Variants in MIA3 observed in about 807,000 individuals in gnomAD.
The protein encoded by MIA3 is MIA SH3 domain ER export factor 3, also known as transport and Golgi organization protein 1 homolog.
In MIA3, 90 loss-of-function variants were observed where a neutral mutation model predicts 192.4. The observed-to-expected ratio is 0.47, with a 90% CI of 0.39 to 0.56. The LOEUF is 0.56. Among genes scored for constraint, MIA3 ranks in the 20% least tolerant of loss-of-function variants. The probability of loss-of-function intolerance (pLI) is 0.00; values close to 1 mark genes in which losing one functional copy is unlikely to be tolerated. For synonymous variants in MIA3, 740 were observed against 792.8 expected, an observed-to-expected ratio of 0.93 and a Z score of 1.12; for missense variants, 2,123 against 2,269.4, an observed-to-expected ratio of 0.94 and a Z score of 1.31.
chr1:222,660,326 C>G lies in MIA3; in HGVS notation c.5113+12C>G, dbSNP rs1231045708. The G allele has an allele frequency of 2.5e-6, 4 of 1,603,012 alleles. No homozygotes were observed. The highest frequency in any genetic ancestry group is 3.4e-6 in the Non-Finnish European group (4 of 1,176,384). On this transcript the variant is annotated intron_variant, in intron 24 of 27. Transcript: ENST00000344922. ...TAGAAGTGAATTTGGTGAGCATTCACATGTTTCCTTGCAATACTCTTTTGG... is the reference window on the plus strand; with the variant it reads ...TAGAAGTGAATTTGGTGAGCATTCAGATGTTTCCTTGCAATACTCTTTTGG...
intron 13 of MIA3, 101 bp downstream of exon 13, chr1:222,652,433 C>A: frequency 1.3e-6 from 1 of 773,772 alleles, no homozygotes; most frequent in Non-Finnish European, 2.2e-6. Context: ...AATATATGTG[C>A]AGGATTCTGT....
chr1:222,631,127 T>C (rs1178408432), intron 4 of MIA3, among the ~76,000 whole-genome samples: 1 of 109,722 alleles, frequency 9.1e-6, no homozygotes, highest in African/African-American at 2.9e-5. Context: ...TTTCTTTTCT[T>C]TTTTTTTTTC....
At chr1:222,662,202 C>G in intron 25 of MIA3, 51 bp from the exon 26 acceptor site, 1 of 1,593,270 alleles carries the variant, frequency 6.3e-7, no homozygotes, top group Non-Finnish European at 8.6e-7. Context: ...ATCCTCCTCA[C>G]AGAGTACACA....
At chr1:222,644,909 A>G (rs1466089609) in intron 6 of MIA3, among the ~76,000 whole-genome samples, 1 of 152,070 alleles carries the variant, frequency 6.6e-6, no homozygotes, top group Non-Finnish European at 1.5e-5. Flanking sequence ...GACCAGTGTG[A>G]TAGTGTACTT....
At chr1:222,620,144 T>C (rs1299053297) in intron 1 of MIA3, among the ~76,000 whole-genome samples, 1 of 152,242 alleles carries the variant, frequency 6.6e-6, no homozygotes, top group Admixed American at 6.5e-5. Context: ...CAAATCTATA[T>C]GCGTGTATAG....
At position 222,666,178 on chromosome 1, in the gene MIA3, A is replaced by G. The variant is rs796642721; in HGVS notation, c.*559A>G. 6.6e-6 allele frequency: 1 copy of G among 152,374 alleles called. No individual in the cohort carries two copies. Among genetic ancestry groups the G allele is most frequent in the African/African-American group, 2.4e-5 (1 of 41,580 alleles). The allele number at this position is 152,374 out of a possible 1,614,324, so 9.4% of individuals were successfully genotyped here. On this transcript the variant is annotated 3_prime_UTR_variant, in exon 28 of 28. Transcript: ENST00000344922. ...GTGTCTGTTGACTCATTGGACTGTT[A>G]TGAGGCTTGTGCCATTTGGGGAACA... is the stretch of plus-strand genomic sequence containing the variant.
At chr1:222,657,976 A>G (rs1042843485) in intron 18 of MIA3, among the ~76,000 whole-genome samples, 1 of 152,244 alleles carries the variant, frequency 6.6e-6, no homozygotes, top group Non-Finnish European at 1.5e-5. Context: ...TACAAGGGTA[A>G]CTACAAGTAG....
In MIA3 at chr1:222,666,908, G is replaced by T. The variant is rs945743815; in HGVS notation, c.*1289G>T. 1 of 151,586 alleles carries T rather than the reference G, an allele frequency of 6.6e-6. No individual in the cohort carries two copies. Among genetic ancestry groups the T allele is most frequent in the Non-Finnish European group, 1.5e-5 (1 of 67,878 alleles). The allele number at this position is 151,586 out of a possible 1,614,324, so 9.4% of individuals were successfully genotyped here. The stretch of plus-strand genomic sequence containing the variant: ...AGACATTTTAATTACAGTAATAATA[G>T]CACTCCTTTTAAGGAGTTTCAGATC... On this transcript the variant is annotated 3_prime_UTR_variant, in exon 28 of 28. Coordinates refer to ENST00000344922, the MANE Select transcript of MIA3 (RefSeq NM_198551.4).
At chr1:222,636,506 CTT>C (rs34208115) in intron 6 of MIA3, among the ~76,000 whole-genome samples, 60 of 74,032 alleles carry the variant, frequency 8.1e-4, no homozygotes, top group East Asian at 1.3e-3. Flanking sequence ...TAGTGTCCAT[CTT>C]TTTTTTTTTT....
At chr1:222,624,397 C>T (rs1662015314) in intron 2 of MIA3, among the ~76,000 whole-genome samples, 1 of 152,228 alleles carries the variant, frequency 6.6e-6, no homozygotes, top group African/African-American at 2.4e-5. Flanking sequence ...TAGCCACCTC[C>T]TCTTGCTATT....
At position 222,648,919 on chromosome 1, in the gene MIA3, T is replaced by C; in HGVS notation, c.3631+69T>C. 2.9e-6 allele frequency: 3 copies of C among 1,020,622 alleles called. No homozygotes were observed. The South Asian group carries it at 4.6e-5, about 16-fold the overall frequency. The allele number at this position is 1,020,622 out of a possible 1,614,324, so 63.2% of individuals were successfully genotyped here. ...ATTGGTGTTTGATATGGATTTTATA[T>C]ATAAGTAGTTTTAGTAACTTCTGAT... On this transcript the variant is annotated intron_variant, in intron 8 of 27. Coordinates refer to ENST00000344922, the MANE Select transcript of MIA3 (RefSeq NM_198551.4).
intron 7 of MIA3, chr1:222,647,979 A>T: frequency 2.9e-6 from 1 of 341,628 alleles, no homozygotes; most frequent in South Asian, 2.2e-5. Flanking sequence ...TACTGAGCTT[A>T]TGGATGATTT....
intron 18 of MIA3, among the ~76,000 whole-genome samples, chr1:222,655,892 T>G (rs1663691501): frequency 6.6e-6 from 1 of 152,018 alleles, no homozygotes; most frequent in Non-Finnish European, 1.5e-5. Flanking sequence ...AAAGTCACTG[T>G]GTTAATTCAG....
Position 222,648,852 on chromosome 1 carries a change from TA to T in MIA3, c.3631+5del. 3 of 1,446,170 alleles carry T rather than the reference TA, an allele frequency of 2.1e-6. No homozygotes were observed. Among genetic ancestry groups the T allele is most frequent in the Non-Finnish European group, 2.9e-6 (3 of 1,036,354 alleles). The allele number at this position is 1,446,170 out of a possible 1,614,324, so 89.6% of individuals were successfully genotyped here. On this transcript the variant is annotated splice_donor_region_variant and intron_variant, in intron 8 of 27. Transcript: ENST00000344922. ...AGGTGAAGGATAGAGTATATCAAGGTAAATCTTTAGGCTTTTTTGTTATTTG... is the reference window on the plus strand; with the variant it reads ...AGGTGAAGGATAGAGTATATCAAGGTAATCTTTAGGCTTTTTTGTTATTTG...
At chr1:222,644,508 C>T (rs906113849) in intron 6 of MIA3, 6 of 1,550,500 alleles carry the variant, frequency 3.9e-6, no homozygotes, top group Admixed American at 3.9e-5. Context: ...TGCCTTCTAT[C>T]GCCGCTACCC....
intron 19 of MIA3, 118 bp from the exon 20 acceptor site, chr1:222,659,335 T>C: frequency 1.2e-6 from 1 of 822,536 alleles, no homozygotes. Flanking sequence ...AAATATGCTT[T>C]ATATTTCTGG....
chr1:222,648,781 A>G, intron 7 of MIA3, 48 bp from the exon 8 acceptor site: 4 of 1,027,542 alleles, frequency 3.9e-6, no homozygotes, highest in Non-Finnish European at 6.1e-6. Context: ...ATATACATCT[A>G]TTAATAAAAT....
chr1:222,618,192 A>G lies in MIA3; in HGVS notation c.82A>G (p.Thr28Ala). The change falls in exon 1 of 28, where the codon ACT (threonine) becomes GCT (alanine). Residue 28 changes from threonine to alanine, a missense_variant. This residue lies in a region of MIA3 where 1,357 missense variants were observed against 1,396.1 expected (regional missense o/e 0.97). Coordinates refer to ENST00000344922, the MANE Select transcript of MIA3 (RefSeq NM_198551.4). ...WRVPGQLDPS[T>A]GRRFSEHKLC... ...GGTGCCGGGCCAGCTGGACCCCAGC[A>G]CTGGCCGGCGGTTCTCGGAGCACAA... The G allele has an allele frequency of 6.7e-7, 1 of 1,499,924 alleles. No homozygotes were observed. Among genetic ancestry groups the G allele is most frequent in the Non-Finnish European group, 8.9e-7 (1 of 1,122,594 alleles). The allele number at this position is 1,499,924 out of a possible 1,614,324, so 92.9% of individuals were successfully genotyped here.
intron 6 of MIA3, chr1:222,644,604 C>A (rs974989841): frequency 1.3e-6 from 2 of 1,550,354 alleles, no homozygotes; most frequent in Non-Finnish European, 1.7e-6. Flanking sequence ...TCCCGATTCC[C>A]GGGGAGGGAC....
Sources: allele counts gnomAD v4.1 joint callset (sites outside exome capture counted in the v4.1 genomes callset), GRCh38; gene constraint gnomAD v4.1.1; regional missense constraint gnomAD v4.1.1; transcripts MANE v1.5; gene names NCBI Gene and HGNC (gene_info 2026-07-23, HGNC 2026-07-21).